ENTREP2: variants seen among roughly 807,000 people sequenced by gnomAD.
ENTREP2 encodes the protein protein ENTREP2.
At chr15:29,444,239 AAAG>A in the ENTREP2 span, among the ~76,000 whole-genome samples, 1 of 147,922 alleles carries the variant, frequency 6.8e-6, no homozygotes, top group African/African-American at 2.5e-5. Context: ...AGAAAGAAAG[AAAG>A]AAAGAAAGAG....
At chr15:29,489,273 G>A in the ENTREP2 span, among the ~76,000 whole-genome samples, 96 of 152,162 alleles carry the variant, frequency 6.3e-4, no homozygotes, top group Non-Finnish European at 1.1e-3. Flanking sequence ...AATATGGAGC[G>A]AGGGTACTGA....
the ENTREP2 span, among the ~76,000 whole-genome samples, chr15:29,624,333 GCACACA>G: frequency 6.6e-6 from 1 of 151,008 alleles, no homozygotes; most frequent in Admixed American, 6.6e-5. Flanking sequence ...ATGCACGTGC[GCACACA>G]CACACACACA....
At chr15:29,254,228 A>G in the ENTREP2 span, among the ~76,000 whole-genome samples, 3 of 142,982 alleles carry the variant, frequency 2.1e-5, no homozygotes, top group African/African-American at 5.0e-5. Flanking sequence ...CTTCAGGGTT[A>G]TTTCTGCCTT....
the ENTREP2 span, among the ~76,000 whole-genome samples, chr15:29,152,004 C>CT: frequency 1.3e-5 from 2 of 152,150 alleles, no homozygotes; most frequent in Non-Finnish European, 2.9e-5. Context: ...CAAAATTGGC[C>CT]TTTCATAGAA....
chr15:29,177,964 T>TA, the ENTREP2 span, among the ~76,000 whole-genome samples: 1 of 151,992 alleles, frequency 6.6e-6, no homozygotes, highest in Non-Finnish European at 1.5e-5. Context: ...GTGACAAAAT[T>TA]AAAGTGCCTA....
the ENTREP2 span, chr15:29,613,209 A>G: frequency 6.0e-6 from 1 of 166,016 alleles, no homozygotes; most frequent in Non-Finnish European, 1.3e-5. Flanking sequence ...TAGACCTGCA[A>G]TAAAAAGCGT....
At chr15:29,545,476 C>A in the ENTREP2 span, among the ~76,000 whole-genome samples, 1 of 152,160 alleles carries the variant, frequency 6.6e-6, no homozygotes, top group African/African-American at 2.4e-5. Flanking sequence ...GTTTTGTGAT[C>A]TTGAGTAAAA....
the ENTREP2 span, among the ~76,000 whole-genome samples, chr15:29,420,342 A>T: frequency 6.6e-6 from 1 of 152,166 alleles, no homozygotes; most frequent in Non-Finnish European, 1.5e-5. Flanking sequence ...CCAGAAGGGG[A>T]AGAGGACAAG....
chr15:29,668,541 G>A, the ENTREP2 span, among the ~76,000 whole-genome samples: 1 of 152,196 alleles, frequency 6.6e-6, no homozygotes. Context: ...TGGTGAACAT[G>A]TTGTGGTATA....
chr15:29,332,477 G>GT, the ENTREP2 span, among the ~76,000 whole-genome samples: 11 of 152,134 alleles, frequency 7.2e-5, no homozygotes, highest in African/African-American at 2.4e-4. Context: ...AAAGCTTTGA[G>GT]TTTTTTTCCT....
the ENTREP2 span, among the ~76,000 whole-genome samples, chr15:29,621,013 G>A: frequency 2.6e-5 from 4 of 152,120 alleles, no homozygotes; most frequent in Admixed American, 6.5e-5. Flanking sequence ...GGGTCTCATC[G>A]TGCTGCTCTC....
chr15:29,390,555 A>G, the ENTREP2 span, among the ~76,000 whole-genome samples: 7 of 152,166 alleles, frequency 4.6e-5, no homozygotes, highest in Non-Finnish European at 7.3e-5. Context: ...AGCCTAATAG[A>G]GGCAAGAGAT....
the ENTREP2 span, among the ~76,000 whole-genome samples, chr15:29,139,721 G>C: frequency 6.6e-6 from 1 of 152,150 alleles, no homozygotes; most frequent in Non-Finnish European, 1.5e-5. Flanking sequence ...GTCGCCTTTC[G>C]GGGACATGTT....
chr15:29,329,560 C>T, the ENTREP2 span, among the ~76,000 whole-genome samples: 3 of 152,242 alleles, frequency 2.0e-5, no homozygotes, highest in Admixed American at 1.3e-4. Context: ...AACAAGCACA[C>T]CTGGCACTGA....
At chr15:29,183,684 T>C in the ENTREP2 span, among the ~76,000 whole-genome samples, 1 of 152,106 alleles carries the variant, frequency 6.6e-6, no homozygotes, top group Non-Finnish European at 1.5e-5. Flanking sequence ...TGGCTTACGG[T>C]ACCAAATGCG....
At chr15:29,492,513 C>G in the ENTREP2 span, among the ~76,000 whole-genome samples, 93 of 152,170 alleles carry the variant, frequency 6.1e-4, 2 homozygotes, top group Middle Eastern at 0.01. Context: ...CTATAAAACT[C>G]TAAGAAGCCA....
the ENTREP2 span, among the ~76,000 whole-genome samples, chr15:29,250,330 C>T: frequency 6.6e-6 from 1 of 152,086 alleles, no homozygotes; most frequent in Non-Finnish European, 1.5e-5. Flanking sequence ...CAGAGGGACA[C>T]CTAGGATCAA....
At chr15:29,280,626 C>A in the ENTREP2 span, among the ~76,000 whole-genome samples, 2 of 152,146 alleles carry the variant, frequency 1.3e-5, no homozygotes, top group Admixed American at 6.5e-5. Flanking sequence ...GCCAATGCCC[C>A]CCCACACAGG....
the ENTREP2 span, among the ~76,000 whole-genome samples, chr15:29,538,920 A>G: frequency 1.3e-5 from 2 of 152,254 alleles, no homozygotes; most frequent in South Asian, 4.1e-4. Context: ...ACCAGCATAT[A>G]TATTAGCCAA....
Sources: allele counts gnomAD v4.1 joint callset (sites outside exome capture counted in the v4.1 genomes callset), GRCh38; gene constraint gnomAD v4.1.1; transcripts MANE v1.5; gene names NCBI Gene and HGNC (gene_info 2026-07-23, HGNC 2026-07-21).